Variants in SGCZ observed in about 807,000 individuals in gnomAD.
SGCZ encodes the protein zeta-sarcoglycan.
A neutral mutation model predicts 41.3 loss-of-function variants in SGCZ; 40 were observed. The ratio of observed to expected loss-of-function variants is 0.97; its 90% CI spans 0.75 to 1.26. The LOEUF is 1.26. Among genes scored for constraint, SGCZ ranks in the 50% most tolerant of loss-of-function variants. The pLI, the probability that SGCZ is intolerant of heterozygous loss-of-function variation, is 0.00. For synonymous variants in SGCZ, 206 were observed against 137.5 expected, an observed-to-expected ratio of 1.50 and a Z score of -3.49; for missense variants, 552 against 369.8, an observed-to-expected ratio of 1.49 and a Z score of -4.04.
In SGCZ at chr8:14,973,356, C is replaced by T. The variant is rs573697988; in HGVS notation, c.39+264229G>A. ...AATGACTAGAGAAAGTTTACTTTCCCTTTGGTACTTTTCCTTGCTGGTTGG... is the reference window on the plus strand; with the variant it reads ...AATGACTAGAGAAAGTTTACTTTCCTTTTGGTACTTTTCCTTGCTGGTTGG... On this transcript the variant is annotated intron_variant, in intron 1 of 7. Transcript: ENST00000382080. 4.6e-5 allele frequency among the ~76,000 whole-genome samples: 7 copies of T among 152,204 alleles called. No homozygotes were observed. In the East Asian group the frequency reaches 9.7e-4, roughly 21 times the overall value.
chr8:14,551,573 T>TATATTATATATA (rs1803856918), intron 2 of SGCZ, among the ~76,000 whole-genome samples: 1 of 24,666 alleles, frequency 4.1e-5, no homozygotes, highest in Non-Finnish European at 6.3e-5. Context: ...ATATATAATA[T>TATATTATATATA]ATATATAATA....
At chr8:14,430,562 C>A (rs1176650468) in intron 2 of SGCZ, among the ~76,000 whole-genome samples, 2 of 151,958 alleles carry the variant, frequency 1.3e-5, no homozygotes, top group Non-Finnish European at 2.9e-5. Context: ...ATAAAAGCCC[C>A]GTATAACAAA....
chr8:14,189,475 T>C (rs1805020919), intron 4 of SGCZ, among the ~76,000 whole-genome samples: 1 of 152,204 alleles, frequency 6.6e-6, no homozygotes, highest in African/African-American at 2.4e-5. Context: ...CCTTTTGCCA[T>C]TTCTTAAACA....
At chr8:14,340,669 G>C (rs1280824073) in intron 2 of SGCZ, among the ~76,000 whole-genome samples, 1 of 152,138 alleles carries the variant, frequency 6.6e-6, no homozygotes, top group Non-Finnish European at 1.5e-5. Flanking sequence ...CTATGACACA[G>C]TAGCTTATAG....
chr8:14,247,118 T>C (rs947051926), intron 3 of SGCZ, among the ~76,000 whole-genome samples: 3 of 152,138 alleles, frequency 2.0e-5, no homozygotes, highest in Non-Finnish European at 4.4e-5. Flanking sequence ...AGAGATATTA[T>C]CTATGTATCA....
intron 1 of SGCZ, among the ~76,000 whole-genome samples, chr8:14,612,458 C>T (rs1354534440): frequency 2.6e-5 from 4 of 152,166 alleles, no homozygotes; most frequent in Non-Finnish European, 5.9e-5. Flanking sequence ...AATTAAGTTT[C>T]TTCCCTTTAT....
chr8:14,780,616 G>C (rs534281842), intron 1 of SGCZ, among the ~76,000 whole-genome samples: 155 of 151,866 alleles, frequency 1.0e-3, no homozygotes, highest in Non-Finnish European at 1.6e-3. Context: ...AAAGTGTATG[G>C]GATTCCCAGG....
chr8:15,140,211 C>G (rs1418074077), intron 1 of SGCZ, among the ~76,000 whole-genome samples: 1 of 151,912 alleles, frequency 6.6e-6, no homozygotes, highest in African/African-American at 2.4e-5. Context: ...TTTTTGTAGA[C>G]AAAGGGCCTC....
chr8:14,361,453 T>C (rs1803508763), intron 2 of SGCZ, among the ~76,000 whole-genome samples: 1 of 152,218 alleles, frequency 6.6e-6, no homozygotes, highest in Admixed American at 6.5e-5. Flanking sequence ...TGATATCCTT[T>C]CTTCTGCTTC....
chr8:15,032,507 C>T (rs1011332452), intron 1 of SGCZ, among the ~76,000 whole-genome samples: 1 of 152,120 alleles, frequency 6.6e-6, no homozygotes, highest in Admixed American at 6.5e-5. Context: ...AGATGCCAGG[C>T]TGGGACTTAT....
rs1020806085 is a variant in SGCZ at position 14,766,566 on chromosome 8, T to C, written c.40-211640A>G. 4.6e-5 allele frequency among the ~76,000 whole-genome samples: 7 copies of C among 151,996 alleles called. No individual in the cohort carries two copies. The South Asian group carries it at 1.2e-3, about 27-fold the overall frequency. On this transcript the variant is annotated intron_variant, in intron 1 of 7. Coordinates refer to ENST00000382080, the MANE Select transcript of SGCZ (RefSeq NM_139167.4). ...GTTTTATTACTTTTAAAAATATATA[T>C]ATTTTTTCTTCTTTAGACAGTGTTT...
chr8:15,110,595 A>G (rs1807010308), intron 1 of SGCZ, among the ~76,000 whole-genome samples: 1 of 152,238 alleles, frequency 6.6e-6, no homozygotes, highest in South Asian at 2.1e-4. Flanking sequence ...AATTCACATG[A>G]TGCTCAAGTT....
At chr8:14,300,721 T>G (rs910843175) in intron 3 of SGCZ, among the ~76,000 whole-genome samples, 5 of 151,886 alleles carry the variant, frequency 3.3e-5, no homozygotes, top group African/African-American at 1.2e-4. Context: ...TCCCTGATGA[T>G]TAGTGATGAT....
At chr8:15,074,908 C>A (rs1206932912) in intron 1 of SGCZ, among the ~76,000 whole-genome samples, 1 of 152,170 alleles carries the variant, frequency 6.6e-6, no homozygotes, top group Non-Finnish European at 1.5e-5. Context: ...CTGTGTATCT[C>A]TGTATCTGAC....
intron 2 of SGCZ, among the ~76,000 whole-genome samples, chr8:14,436,956 T>A (rs1249379556): frequency 6.6e-6 from 1 of 152,184 alleles, no homozygotes; most frequent in Non-Finnish European, 1.5e-5. Flanking sequence ...TATTTGTTGA[T>A]GAAGATGAAA....
intron 4 of SGCZ, among the ~76,000 whole-genome samples, chr8:14,200,199 A>G (rs1805409727): frequency 6.6e-6 from 1 of 152,180 alleles, no homozygotes. Flanking sequence ...ATTACTAAAG[A>G]ACACAACCAA....
intron 1 of SGCZ, among the ~76,000 whole-genome samples, chr8:15,103,466 T>C (rs557449924): frequency 1.3e-5 from 2 of 152,008 alleles, no homozygotes; most frequent in East Asian, 1.9e-4. Context: ...ACCAGTTTTA[T>C]AGAAGTAAAA....
At chr8:15,062,128 G>A (rs951717775) in intron 1 of SGCZ, among the ~76,000 whole-genome samples, 1 of 151,912 alleles carries the variant, frequency 6.6e-6, no homozygotes, top group Non-Finnish European at 1.5e-5. Context: ...ACATCCTATA[G>A]TCTTACTTTT....
At chr8:14,328,796 A>C (rs1802215200) in intron 2 of SGCZ, among the ~76,000 whole-genome samples, 1 of 152,196 alleles carries the variant, frequency 6.6e-6, no homozygotes. Context: ...GGAGGCTTTA[A>C]GACATTATTA....
Sources: gnomAD v4.1 joint callset for allele counts (sites outside exome capture counted in the v4.1 genomes callset) on GRCh38, gnomAD v4.1.1 for gene constraint, MANE v1.5 for transcripts, NCBI Gene and HGNC (gene_info 2026-07-23, HGNC 2026-07-21) for gene names.